CRPPA: variants seen among roughly 807,000 people sequenced by gnomAD.
CRPPA encodes D-ribitol-5-phosphate cytidylyltransferase.
Under a neutral mutation model 52.0 loss-of-function variants are expected in CRPPA, and 43 were observed. The ratio of observed to expected loss-of-function variants is 0.83; its 90% confidence interval spans 0.65 to 1.07. The LOEUF is 1.07. Ranked by LOEUF, CRPPA falls within the 50% of genes least tolerant of loss-of-function variation. The probability of loss-of-function intolerance (pLI) is 0.00; values close to 1 mark genes in which losing one functional copy is unlikely to be tolerated. For missense variants in CRPPA, 629 were observed against 551.7 expected (o/e 1.14, Z -1.40); for synonymous variants, 250 against 203.5 (o/e 1.23, Z -1.94).
intron 2 of CRPPA, among the ~76,000 whole-genome samples, chr7:16,404,972 C>T (rs1787916908): frequency 6.6e-6 from 1 of 152,062 alleles, no homozygotes; most frequent in Non-Finnish European, 1.5e-5. Context: ...AATTCTTACA[C>T]AGTTTTAAAT....
At chr7:16,178,270 C>T (rs574546518) in intron 9 of CRPPA, among the ~76,000 whole-genome samples, 139 of 152,108 alleles carry the variant, frequency 9.1e-4, no homozygotes, top group Non-Finnish European at 1.6e-3. Context: ...CACAAATGAC[C>T]ATACAGCAAT....
Position 16,415,545 on chromosome 7 carries a change from C to T in CRPPA, c.257+5521G>A, listed in dbSNP as rs1047481857. Among the ~76,000 whole-genome samples, 32 of 152,270 alleles carry T rather than the reference C, an allele frequency of 2.1e-4. 1 individual carries two copies. The highest frequency in any genetic ancestry group is 2.1e-4 in the South Asian group (1 of 4,826). On this transcript the variant is annotated intron_variant, in intron 1 of 9. Transcript: ENST00000407010. ...GTCCCCTTTTCATTGTTCTACCCCA[C>T]CTCCAGAGATACCCTGTGCCTCTGA...
At chr7:16,410,403 A>G (rs1400829845) in intron 1 of CRPPA, among the ~76,000 whole-genome samples, 1 of 152,204 alleles carries the variant, frequency 6.6e-6, no homozygotes, top group Non-Finnish European at 1.5e-5. Context: ...GTTTCAAATT[A>G]AAGTTATTAG....
intron 3 of CRPPA, among the ~76,000 whole-genome samples, chr7:16,354,836 C>T (rs1329695417): frequency 6.6e-6 from 1 of 152,024 alleles, no homozygotes; most frequent in Non-Finnish European, 1.5e-5. Context: ...ATATATATTT[C>T]AAATACATTT....
At chr7:16,256,473 T>C (rs56295311) in intron 8 of CRPPA, among the ~76,000 whole-genome samples, 65,143 of 152,022 alleles carry the variant, frequency 0.43, 14,453 homozygotes, top group Admixed American at 0.55. Context: ...CGTATGTTTA[T>C]TGCAGCTCTG....
chr7:16,417,525 A>C (rs1270620784), intron 1 of CRPPA, among the ~76,000 whole-genome samples: 1 of 152,214 alleles, frequency 6.6e-6, no homozygotes, highest in Non-Finnish European at 1.5e-5. Flanking sequence ...TATTCTAAGC[A>C]AATTAACAGA....
chr7:16,280,713 A>G (rs897347510), intron 5 of CRPPA, among the ~76,000 whole-genome samples: 3 of 152,204 alleles, frequency 2.0e-5, no homozygotes, highest in African/African-American at 4.8e-5. Flanking sequence ...AATATTTTTA[A>G]AAAATGAATT....
intron 2 of CRPPA, among the ~76,000 whole-genome samples, chr7:16,388,607 G>T (rs983589248): frequency 1.3e-5 from 2 of 152,226 alleles, no homozygotes; most frequent in African/African-American, 4.8e-5. Context: ...GGGCGTGGTG[G>T]CTCATGCCTG....
intron 3 of CRPPA, among the ~76,000 whole-genome samples, chr7:16,365,654 G>T (rs1173533126): frequency 6.6e-6 from 1 of 152,150 alleles, no homozygotes; most frequent in African/African-American, 2.4e-5. Context: ...CTGTATCAGA[G>T]AATATTTTAA....
Position 16,258,921 on chromosome 7 carries a change from T to C in CRPPA, c.1025A>G (p.Asn342Ser). 6.2e-7 allele frequency: 1 copy of C among 1,604,318 alleles called. No homozygotes were observed. Among genetic ancestry groups the C allele is most frequent in the South Asian group, 1.1e-5 (1 of 89,822 alleles). Residue 342 changes from asparagine (N) to serine (S), a missense_variant and splice_region_variant, in exon 7 of 10, where the codon AAT becomes AGT. Coordinates refer to ENST00000407010, the MANE Select transcript of CRPPA (RefSeq NM_001101426.4). ...LDQCYNFVCV[N>S]VTTSDFQETQ... ...CTTCAATCATTTGAATTGACTTACA[T>C]TCACACAAACAAAATTGTAGCATTG...
At chr7:16,229,111 T>C (rs1012658827) in intron 8 of CRPPA, among the ~76,000 whole-genome samples, 19 of 152,070 alleles carry the variant, frequency 1.2e-4, no homozygotes, top group African/African-American at 4.6e-4. Flanking sequence ...TACTTTTTTG[T>C]TGTTGTTTCA....
At chr7:16,419,329 A>C (rs946257117) in intron 1 of CRPPA, among the ~76,000 whole-genome samples, 6 of 152,090 alleles carry the variant, frequency 3.9e-5, no homozygotes, top group African/African-American at 1.5e-4. Flanking sequence ...AGTCCTAACT[A>C]ACTCCATCTT....
At chr7:16,298,791 T>A (rs1784725415) in intron 5 of CRPPA, among the ~76,000 whole-genome samples, 1 of 152,176 alleles carries the variant, frequency 6.6e-6, no homozygotes, top group African/African-American at 2.4e-5. Flanking sequence ...CACTGAAGTG[T>A]GGGAGCATCA....
chr7:16,327,402 C>A (rs1785427237), intron 3 of CRPPA, among the ~76,000 whole-genome samples: 1 of 151,290 alleles, frequency 6.6e-6, no homozygotes, highest in Admixed American at 6.6e-5. Context: ...ACCATCCTGG[C>A]TAACAAGGTG....
intron 9 of CRPPA, among the ~76,000 whole-genome samples, chr7:16,170,415 G>A (rs1347355960): frequency 1.3e-5 from 2 of 152,196 alleles, no homozygotes; most frequent in African/African-American, 2.4e-5. Context: ...TATTCCTTCT[G>A]ATGTTCGGAG....
At chr7:16,324,796 C>A (rs1047943645) in intron 3 of CRPPA, among the ~76,000 whole-genome samples, 2 of 152,188 alleles carry the variant, frequency 1.3e-5, no homozygotes, top group Non-Finnish European at 2.9e-5. Context: ...ATGGAGTCTG[C>A]AATCTTTGAC....
chr7:16,355,641 G>C (rs112764998), intron 3 of CRPPA, among the ~76,000 whole-genome samples: 2 of 152,192 alleles, frequency 1.3e-5, no homozygotes, highest in Non-Finnish European at 2.9e-5. Context: ...AGAAATTAAA[G>C]TCTGTGACCA....
intron 5 of CRPPA, among the ~76,000 whole-genome samples, chr7:16,300,655 G>A (rs1784774100): frequency 6.6e-6 from 1 of 152,160 alleles, no homozygotes; most frequent in Non-Finnish European, 1.5e-5. Flanking sequence ...GGCCAGGCGT[G>A]CTGCTAAACA....
At chr7:16,301,987 G>A (rs1784796999) in intron 4 of CRPPA, among the ~76,000 whole-genome samples, 1 of 152,040 alleles carries the variant, frequency 6.6e-6, no homozygotes, top group African/African-American at 2.4e-5. Flanking sequence ...AAAATAGAAA[G>A]AGCCTATAGG....
Sources: allele counts gnomAD v4.1 joint callset (sites outside exome capture counted in the v4.1 genomes callset), GRCh38; gene constraint gnomAD v4.1.1; transcripts MANE v1.5; gene names NCBI Gene and HGNC (gene_info 2026-07-23, HGNC 2026-07-21).